Variants in NEK10 observed in about 807,000 individuals in gnomAD.
NEK10 encodes the protein NIMA related kinase 10, also known as serine/threonine-protein kinase Nek10.
NEK10 carries 122 observed loss-of-function variants against 159.8 expected under a neutral mutation model. The ratio of observed to expected loss-of-function variants is 0.76; its 90% confidence interval spans 0.66 to 0.89. NEK10 has a LOEUF of 0.89. Among genes scored for constraint, NEK10 ranks in the 40% least tolerant of loss-of-function variants. The probability of loss-of-function intolerance (pLI) is 0.00; values close to 1 mark genes in which losing one functional copy is unlikely to be tolerated. For synonymous variants in NEK10, 466 were observed against 457.1 expected (o/e 1.02, Z -0.25); for missense variants, 1,342 against 1,323.1 (o/e 1.01, Z -0.22).
chr3:27,353,604 G>A (rs1481983610), intron 1 of NEK10, among the ~76,000 whole-genome samples: 1 of 151,998 alleles, frequency 6.6e-6, no homozygotes, highest in Non-Finnish European at 1.5e-5. Context: ...ACAAATAGTT[G>A]GGCTACAATT....
intron 23 of NEK10, among the ~76,000 whole-genome samples, chr3:27,223,401 C>T (rs1234580359): frequency 6.6e-5 from 10 of 152,186 alleles, no homozygotes; most frequent in Non-Finnish European, 1.5e-4. Flanking sequence ...TTACCACTCC[C>T]CTGAAACCTC....
intron 30 of NEK10, among the ~76,000 whole-genome samples, chr3:27,154,533 A>T (rs1014967779): frequency 2.0e-5 from 3 of 152,216 alleles, no homozygotes; most frequent in African/African-American, 7.2e-5. Flanking sequence ...ATGAATATAG[A>T]TGGTAAAATC....
chr3:27,217,253 C>T (rs750836151), intron 23 of NEK10, among the ~76,000 whole-genome samples: 2 of 152,100 alleles, frequency 1.3e-5, no homozygotes, highest in Non-Finnish European at 2.9e-5. Context: ...AGAAGAAAAT[C>T]CTGTATTCGT....
intron 23 of NEK10, chr3:27,216,345 T>C (rs543485740): frequency 6.5e-6 from 1 of 154,032 alleles, no homozygotes; most frequent in East Asian, 1.9e-4. Context: ...AAACACATTA[T>C]CTTCAAGGAA....
At position 27,322,161 on chromosome 3, in the gene NEK10, T is replaced by C. The variant is rs1022941251; in HGVS notation, c.447+16A>G. The C allele has an allele frequency of 2.1e-6, 3 of 1,420,206 alleles. No individual in the cohort carries two copies. Among genetic ancestry groups the C allele is most frequent in the East Asian group, 2.4e-5 (1 of 40,896 alleles). 88.0% of individuals were successfully genotyped at this position (1,420,206 alleles called of 1,614,324 possible). ...TTATAACAAGTAAAAAAAAAAATTGTATTTTTCCAACCAACCTGATAACAT... is the reference window on the plus strand; with the variant it reads ...TTATAACAAGTAAAAAAAAAAATTGCATTTTTCCAACCAACCTGATAACAT... On this transcript the variant is annotated intron_variant, in intron 6 of 35. Coordinates refer to ENST00000691995, the MANE Select transcript of NEK10 (RefSeq NM_001394966.1).
chr3:27,236,907 T>C (rs1953978611), intron 23 of NEK10, among the ~76,000 whole-genome samples: 1 of 152,092 alleles, frequency 6.6e-6, no homozygotes, highest in South Asian at 2.1e-4. Context: ...GGGTGGGATC[T>C]TTTCCCCACT....
chr3:27,268,068 C>T (rs1011149348), intron 22 of NEK10, among the ~76,000 whole-genome samples: 1 of 152,312 alleles, frequency 6.6e-6, no homozygotes, highest in Admixed American at 6.5e-5. Flanking sequence ...TAAGCCAATG[C>T]CCAATCTGGA....
intron 1 of NEK10, among the ~76,000 whole-genome samples, chr3:27,366,195 C>T (rs756011759): frequency 1.3e-5 from 2 of 152,092 alleles, no homozygotes; most frequent in Non-Finnish European, 2.9e-5. Flanking sequence ...CACAACCACC[C>T]CATTTTACAG....
At position 27,241,681 on chromosome 3, in the gene NEK10, C is replaced by T. The variant is rs376070616; in HGVS notation, c.2090+14615G>A. On this transcript the variant is annotated intron_variant, in intron 23 of 35. Transcript: ENST00000691995. ...CTTTTATTCATGTTTCCTAGGATCA[C>T]CTCCAGAATAAACCACTTGCACTTC... is the stretch of plus-strand genomic sequence containing the variant. 2.0e-5 allele frequency among the ~76,000 whole-genome samples: 3 copies of T among 152,312 alleles called. No homozygotes were observed. In the South Asian group the frequency reaches 6.2e-4, roughly 32 times the overall value.
chr3:27,107,007 T>G lies in NEK10; in HGVS notation c.*4265A>C, dbSNP rs953333775. Among the ~76,000 whole-genome samples the G allele has an allele frequency of 3.9e-5, 6 of 152,280 alleles. No homozygotes were observed. Among genetic ancestry groups the G allele is most frequent in the African/African-American group, 1.4e-4 (6 of 41,548 alleles). ...GAGAAAAAGGCAGTTTCTCATGTTT[T>G]GAGGAATAACATTCAGTTTTGAATT... On this transcript the variant is annotated 3_prime_UTR_variant, in exon 36 of 36. Coordinates refer to ENST00000691995, the MANE Select transcript of NEK10 (RefSeq NM_001394966.1).
At chr3:27,281,118 T>C (rs1414485749) in intron 22 of NEK10, among the ~76,000 whole-genome samples, 1 of 151,700 alleles carries the variant, frequency 6.6e-6, no homozygotes, top group Non-Finnish European at 1.5e-5. Context: ...TAATATTCAA[T>C]GGAATGGAAA....
At chr3:27,114,777 A>G (rs565290354) in intron 35 of NEK10, among the ~76,000 whole-genome samples, 1 of 152,300 alleles carries the variant, frequency 6.6e-6, no homozygotes, top group African/African-American at 2.4e-5. Context: ...CTTTGAGAGA[A>G]TATACTCCAA....
rs544732689 is a variant in NEK10, at chr3:27,317,861, G to A, written c.448-3523C>T. The stretch of plus-strand genomic sequence containing the variant: ...TCTGTTGCCCAGGCTGGAGTGCAGT[G>A]GCGCGATCTTGGCTCACTGCAAGCT... On this transcript the variant is annotated intron_variant, in intron 6 of 35. Transcript: ENST00000691995. 1.8e-3 allele frequency among the ~76,000 whole-genome samples: 276 copies of A among 152,106 alleles called. 7 individuals carry two copies. The highest frequency in any genetic ancestry group is 0.013 in the Admixed American group (201 of 15,280).
intron 23 of NEK10, among the ~76,000 whole-genome samples, chr3:27,210,401 G>C (rs1159338007): frequency 6.6e-6 from 1 of 152,052 alleles, no homozygotes; most frequent in Non-Finnish European, 1.5e-5. Context: ...TAGATCATAA[G>C]GGCTCTTCTC....
chr3:27,121,272 T>C (rs1047892674), intron 32 of NEK10, among the ~76,000 whole-genome samples: 1 of 152,184 alleles, frequency 6.6e-6, no homozygotes, highest in Non-Finnish European at 1.5e-5. Context: ...GAACAAACTA[T>C]GGATACTCAG....
intron 1 of NEK10, among the ~76,000 whole-genome samples, chr3:27,365,647 C>G (rs1247363432): frequency 1.0e-5 from 1 of 98,952 alleles, no homozygotes; most frequent in Non-Finnish European, 1.8e-5. Flanking sequence ...GAGTCTTGCT[C>G]TATTGCCCAC....
intron 6 of NEK10, among the ~76,000 whole-genome samples, chr3:27,318,839 T>TA (rs779363517): frequency 2.6e-5 from 4 of 152,032 alleles, no homozygotes; most frequent in Non-Finnish European, 5.9e-5. Context: ...AGGCTGTAGA[T>TA]ATGAACTTGT....
intron 23 of NEK10, among the ~76,000 whole-genome samples, chr3:27,210,294 C>A (rs1394104374): frequency 6.8e-6 from 1 of 147,464 alleles, no homozygotes; most frequent in Non-Finnish European, 1.5e-5. Flanking sequence ...CATCACACGG[C>A]AAAGGGGCTG....
At chr3:27,175,709 G>A (rs559227564) in intron 26 of NEK10, among the ~76,000 whole-genome samples, 12 of 152,308 alleles carry the variant, frequency 7.9e-5, no homozygotes, top group South Asian at 2.1e-4. Flanking sequence ...TTTTTAGGCC[G>A]TGGGGCTAAA....
Sources: allele counts gnomAD v4.1 joint callset (sites outside exome capture counted in the v4.1 genomes callset), GRCh38; gene constraint gnomAD v4.1.1; transcripts MANE v1.5; gene names NCBI Gene and HGNC (gene_info 2026-07-23, HGNC 2026-07-21).